The following CYP2J2 variants were observed in gnomAD, a reference collection of about 807,000 sequenced individuals.
CYP2J2 encodes the protein cytochrome P450 family 2 subfamily J member 2.
In CYP2J2, 41 loss-of-function variants were observed where a neutral mutation model predicts 48.8. The ratio of observed to expected loss-of-function variants is 0.84; its 90% CI spans 0.66 to 1.09. The LOEUF is 1.09. Among genes scored for constraint, CYP2J2 ranks in the 50% least tolerant of loss-of-function variants. CYP2J2 has a pLI of 0.00. For synonymous variants in CYP2J2, 221 were observed against 227.1 expected (o/e 0.97, Z 0.24); for missense variants, 644 against 617.3 (o/e 1.04, Z -0.46).
chr1:59,918,720 T>C (rs936632978), intron 1 of CYP2J2, among the ~76,000 whole-genome samples: 1 of 147,658 alleles, frequency 6.8e-6, no homozygotes, highest in Non-Finnish European at 1.5e-5. Flanking sequence ...AAAAATAAGA[T>C]GCCTTTTGAA....
At chr1:59,940,759 T>C in the CYP2J2 span, among the ~76,000 whole-genome samples, 1 of 152,174 alleles carries the variant, frequency 6.6e-6, no homozygotes, top group Non-Finnish European at 1.5e-5. Flanking sequence ...AATAGATTAG[T>C]AGATAAAGAA....
the CYP2J2 span, among the ~76,000 whole-genome samples, chr1:59,964,654 G>T: frequency 6.6e-6 from 1 of 152,186 alleles, no homozygotes; most frequent in Non-Finnish European, 1.5e-5. Context: ...TTTTCCTCCT[G>T]AAAATAAAGG....
the CYP2J2 span, among the ~76,000 whole-genome samples, chr1:59,957,033 C>G: frequency 6.6e-6 from 1 of 152,192 alleles, no homozygotes; most frequent in Non-Finnish European, 1.5e-5. Flanking sequence ...CATGCCTGTT[C>G]CAGTACAGTT....
chr1:59,896,388 T>G (rs1574244059), intron 8 of CYP2J2, among the ~76,000 whole-genome samples: 2 of 152,086 alleles, frequency 1.3e-5, no homozygotes, highest in East Asian at 3.8e-4. Flanking sequence ...TTTCTACATT[T>G]ATTGATTCAC....
intron 7 of CYP2J2, 89 bp from the exon 8 acceptor site, chr1:59,901,192 C>T (rs918148618): frequency 2.3e-5 from 34 of 1,451,878 alleles, no homozygotes; most frequent in African/African-American, 2.8e-5. Flanking sequence ...GCTTCCTTGC[C>T]GGGGGCCTGA....
chr1:59,959,588 ATGTG>A, the CYP2J2 span, among the ~76,000 whole-genome samples: 3 of 151,980 alleles, frequency 2.0e-5, no homozygotes, highest in Admixed American at 6.6e-5. Flanking sequence ...GTATGTATGT[ATGTG>A]TATATATGTG....
At chr1:59,896,571 C>G (rs1488461141) in intron 8 of CYP2J2, among the ~76,000 whole-genome samples, 1 of 152,014 alleles carries the variant, frequency 6.6e-6, no homozygotes, top group Non-Finnish European at 1.5e-5. Flanking sequence ...CACAGCCACC[C>G]TGTGCAGACT....
chr1:59,921,710 G>A (rs921817466), intron 1 of CYP2J2, among the ~76,000 whole-genome samples: 6 of 150,758 alleles, frequency 4.0e-5, no homozygotes, highest in African/African-American at 9.7e-5. Context: ...CTAGACAACC[G>A]GTTAGACCAA....
At position 59,893,561 on chromosome 1, in the gene CYP2J2, T is replaced by G. The variant is rs1644241834; in HGVS notation, c.*90A>C. The G allele has an allele frequency of 2.1e-6, 2 of 965,040 alleles. No individual in the cohort carries two copies. Among genetic ancestry groups the G allele is most frequent in the Admixed American group, 5.6e-5 (2 of 35,686 alleles). 59.8% of individuals were successfully genotyped at this position (965,040 alleles called of 1,614,324 possible). A position where few individuals can be genotyped will look rare whatever the true frequency, so the allele number is the denominator to read the frequency against. On this transcript the variant is annotated 3_prime_UTR_variant, in exon 9 of 9. Coordinates refer to ENST00000371204, the MANE Select transcript of CYP2J2 (RefSeq NM_000775.4). ...GATCTTTCTTGAAAGTCACTTTCAT[T>G]TTGTCCCAACACATCTGAGCAGACA...
intron 6 of CYP2J2, among the ~76,000 whole-genome samples, chr1:59,906,229 C>A (rs147901177): frequency 1.3e-5 from 2 of 152,300 alleles, no homozygotes; most frequent in Non-Finnish European, 2.9e-5. Context: ...CCATATTACT[C>A]AATTCTGGCT....
the CYP2J2 span, among the ~76,000 whole-genome samples, chr1:59,965,950 C>G: frequency 2.0e-4 from 30 of 152,176 alleles, no homozygotes; most frequent in Non-Finnish European, 4.1e-4. Context: ...CCATGCCCAG[C>G]CTGGGTGTAC....
rs1414249105 is a variant in CYP2J2 at position 59,926,656 on chromosome 1, C to T, written c.91G>A (p.Ala31Thr). 1 of 1,614,210 alleles carries T rather than the reference C, an allele frequency of 6.2e-7. No individual in the cohort carries two copies. The highest frequency in any genetic ancestry group is 8.5e-7 in the Non-Finnish European group (1 of 1,180,042). The part of the protein sequence containing the change: ...LLLGTVAFLL[A>T]ADFLKRRRPK... ...CGCCGTCTTTTGAGAAAGTCAGCAG[C>T]GAGCAGAAAGGCGACAGTGCCCAGT... Residue 31 changes from alanine (A) to threonine (T), a missense_variant, in exon 1 of 9, where the codon GCT (alanine) becomes ACT (threonine). Transcript: ENST00000371204.
the CYP2J2 span, among the ~76,000 whole-genome samples, chr1:59,940,428 G>T: frequency 6.6e-6 from 1 of 152,256 alleles, no homozygotes; most frequent in South Asian, 2.1e-4. Flanking sequence ...CTACTGTCTT[G>T]CATCTTGGAT....
chr1:59,909,909 T>G lies in CYP2J2; in HGVS notation c.736A>C (p.Thr246Pro), dbSNP rs1225658852. The G allele has an allele frequency of 6.2e-7, 1 of 1,611,562 alleles. No homozygotes were observed. Among genetic ancestry groups the G allele is most frequent in the East Asian group, 2.2e-5 (1 of 44,608 alleles). ...IMKFLPGPHQ[T>P]LFSNWKKLKL... ...AGTTTTTTCCAGTTGCTGAAGAGAG[T>G]TTGGTGGGGTCCAGGCAGGAATTTC... is the stretch of plus-strand genomic sequence containing the variant. Residue 246 changes from threonine (T) to proline (P), a missense_variant, in exon 5 of 9, where the codon ACT (threonine) becomes CCT (proline). Thr to Pro is a conservative substitution (Grantham distance 38). Coordinates refer to ENST00000371204, the MANE Select transcript of CYP2J2 (RefSeq NM_000775.4).
At chr1:59,914,535 A>C (rs1323189409) in intron 2 of CYP2J2, among the ~76,000 whole-genome samples, 1 of 152,222 alleles carries the variant, frequency 6.6e-6, no homozygotes, top group East Asian at 1.9e-4. Flanking sequence ...CATATGTTGT[A>C]TGGAATCAAT....
rs778191023 is a variant in CYP2J2 at position 59,909,787 on chromosome 1, T to C, written c.858A>G (p.Ser286=). The C allele has an allele frequency of 6.3e-7, 1 of 1,578,710 alleles. No individual in the cohort carries two copies. The highest frequency in any genetic ancestry group is 8.6e-7 in the Non-Finnish European group (1 of 1,168,188). ...AAAATGACTTTGGTTTTCTCACCTT[T>C]GACATTTCTTTAAGGTAAGCATCAA... The part of the protein sequence containing the change: ...DFIDAYLKEM[S]KHTGNPTSSF... Residue 286 remains serine, a synonymous_variant, in exon 5 of 9, where the codon TCA becomes TCG. Transcript: ENST00000371204.
chr1:59,959,274 T>C, the CYP2J2 span, among the ~76,000 whole-genome samples: 1 of 152,184 alleles, frequency 6.6e-6, no homozygotes, highest in African/African-American at 2.4e-5. Flanking sequence ...AGTAAAATTC[T>C]TCAAAGAAAT....
the CYP2J2 span, among the ~76,000 whole-genome samples, chr1:59,953,736 G>A: frequency 1.2e-4 from 18 of 152,062 alleles, no homozygotes; most frequent in African/African-American, 4.3e-4. Context: ...AAGTGTTTTC[G>A]GTGTGGCAAA....
chr1:59,901,453 G>A (rs1195453795), intron 7 of CYP2J2, among the ~76,000 whole-genome samples: 1 of 152,188 alleles, frequency 6.6e-6, no homozygotes. Context: ...AGTCTGCACT[G>A]TACCAAAACC....
Sources: gnomAD v4.1 joint callset for allele counts (sites outside exome capture counted in the v4.1 genomes callset) on GRCh38, gnomAD v4.1.1 for gene constraint, MANE v1.5 for transcripts, NCBI Gene and HGNC (gene_info 2026-07-23, HGNC 2026-07-21) for gene names.